GREB1: variants seen among roughly 807,000 people sequenced by gnomAD.
GREB1 encodes the protein protein GREB1.
A neutral mutation model predicts 200.7 loss-of-function variants in GREB1; 106 were observed. That is an observed-to-expected ratio of 0.53 (90% CI 0.45 to 0.62). GREB1 has a LOEUF of 0.62. Ranked by LOEUF, GREB1 falls within the 20% of genes least tolerant of loss-of-function variation. The probability of loss-of-function intolerance (pLI) is 0.00; values close to 1 mark genes in which losing one functional copy is unlikely to be tolerated. For synonymous variants in GREB1, 1,132 were observed against 1,092.4 expected (o/e 1.04, Z -0.72); for missense variants, 2,243 against 2,556.8 (o/e 0.88, Z 2.65).
At chr2:11,551,244 A>G (rs977922265) in intron 1 of GREB1, among the ~76,000 whole-genome samples, 4 of 152,188 alleles carry the variant, frequency 2.6e-5, no homozygotes, top group African/African-American at 9.6e-5. Flanking sequence ...ATATGGTGAA[A>G]CAAACCCACA....
At chr2:11,531,818 G>A (rs139071485), upstream of GREB1, among the ~76,000 whole-genome samples, 852 of 152,202 alleles carry the variant, frequency 5.6e-3, 6 homozygotes, top group African/African-American at 0.019. Context: ...TGATCCACCC[G>A]TCTCGGCCTC....
At position 11,563,710 on chromosome 2, in the gene GREB1, A is replaced by G. The variant is rs73191493; in HGVS notation, c.277+1128A>G. ...CATATGACACTATGGTACCCCCTATACAAATATTTCTGGAATGCCTACTAT... is the reference window on the plus strand; with the variant it reads ...CATATGACACTATGGTACCCCCTATGCAAATATTTCTGGAATGCCTACTAT... On this transcript the variant is annotated intron_variant, in intron 3 of 32. Transcript: ENST00000381486. 7.2e-3 allele frequency among the ~76,000 whole-genome samples: 1,093 copies of G among 152,334 alleles called. 23 individuals carry two copies. The highest frequency in any genetic ancestry group is 0.025 in the African/African-American group (1,052 of 41,580).
chr2:11,614,543 C>T (rs1300471528), intron 19 of GREB1, among the ~76,000 whole-genome samples: 1 of 151,638 alleles, frequency 6.6e-6, no homozygotes, highest in African/African-American at 2.4e-5. Context: ...GGTTCAAGCC[C>T]CCCCTTTTTG....
At chr2:11,604,878 A>G (rs1245230984) in intron 17 of GREB1, among the ~76,000 whole-genome samples, 2 of 152,220 alleles carry the variant, frequency 1.3e-5, no homozygotes, top group Admixed American at 1.3e-4. Flanking sequence ...TTAGTCCTCT[A>G]TGTGCCATAA....
At chr2:11,589,090 G>A (rs1680471529) in intron 10 of GREB1, among the ~76,000 whole-genome samples, 159 bp downstream of exon 10, 1 of 152,172 alleles carries the variant, frequency 6.6e-6, no homozygotes, top group Admixed American at 6.5e-5. Context: ...AGTCACTGTG[G>A]GCGTCCCCAC....
At chr2:11,484,728 A>C (rs1672610181) in intron 1 of GREB1, among the ~76,000 whole-genome samples, 1 of 152,190 alleles carries the variant, frequency 6.6e-6, no homozygotes. Flanking sequence ...GGCTGCAGTG[A>C]GTTATGATCG....
At chr2:11,632,288 A>G (rs1684936759) in intron 27 of GREB1, among the ~76,000 whole-genome samples, 175 bp downstream of exon 27, 1 of 148,372 alleles carries the variant, frequency 6.7e-6, no homozygotes, top group African/African-American at 2.5e-5. Context: ...ACCCGCACCC[A>G]GTGTTTGGTT....
At chr2:11,523,388 TAAAAAA>T (rs1291430759) in intron 1 of GREB1, among the ~76,000 whole-genome samples, 2 of 151,970 alleles carry the variant, frequency 1.3e-5, no homozygotes, top group African/African-American at 4.8e-5. Context: ...AAATAAAAGT[TAAAAAA>T]AGAAAAAATA....
intron 11 of GREB1, among the ~76,000 whole-genome samples, chr2:11,593,842 A>G (rs1680968444): frequency 6.6e-6 from 1 of 152,156 alleles, no homozygotes; most frequent in South Asian, 2.1e-4. Context: ...GGGGGCCCAC[A>G]GGGAGCAGAG....
intron 1 of GREB1, among the ~76,000 whole-genome samples, chr2:11,520,617 C>T (rs1673670497): frequency 2.0e-5 from 3 of 152,224 alleles, no homozygotes; most frequent in Admixed American, 1.3e-4. Context: ...CCTCTCTCTC[C>T]TCTTTCCTTT....
intron 30 of GREB1, among the ~76,000 whole-genome samples, chr2:11,636,576 G>A (rs2148447622): frequency 6.6e-6 from 1 of 152,358 alleles, no homozygotes; most frequent in African/African-American, 2.4e-5. Flanking sequence ...GCAGATGTTA[G>A]ACACATGGCT....
rs1021784717 is a variant in GREB1 at position 11,565,510 on chromosome 2, G to A, written c.278-970G>A. 2.6e-5 allele frequency among the ~76,000 whole-genome samples: 4 copies of A among 152,218 alleles called. No homozygotes were observed. The East Asian group carries it at 7.7e-4, about 29-fold the overall frequency. On this transcript the variant is annotated intron_variant, in intron 3 of 32. Coordinates refer to ENST00000381486, the MANE Select transcript of GREB1 (RefSeq NM_014668.4). ...GTCTCAGTCGGGAGCTAAAGCTACA[G>A]GAAGCACAGGAGATGGGGCTGGGTG...
intron 1 of GREB1, among the ~76,000 whole-genome samples, chr2:11,521,010 G>A (rs892446600): frequency 2.9e-4 from 44 of 152,204 alleles, no homozygotes; most frequent in African/African-American, 9.7e-4. Context: ...TATGCCCTCT[G>A]CCGTGTGGGC....
intron 7 of GREB1, among the ~76,000 whole-genome samples, chr2:11,584,536 T>C (rs1679869455): frequency 6.6e-6 from 1 of 152,226 alleles, no homozygotes; most frequent in Admixed American, 6.5e-5. Context: ...TATTGGAATA[T>C]GTCGATAACA....
Position 11,629,365 on chromosome 2 carries a change from C to T in GREB1, c.4450-583C>T, listed in dbSNP as rs896556808. On this transcript the variant is annotated intron_variant, in intron 25 of 32. Coordinates refer to ENST00000381486, the MANE Select transcript of GREB1 (RefSeq NM_014668.4). The surrounding 1 kb of genome is among the most constrained non-coding windows in gnomAD (Gnocchi z 5.2). ...GGAGGCTGGAGGAGGTGACTAAGGG[C>T]GCAGCCAGACTTGGTGACTTGGTGA... 2.6e-5 allele frequency among the ~76,000 whole-genome samples: 4 copies of T among 152,124 alleles called. No individual in the cohort carries two copies. Among genetic ancestry groups the T allele is most frequent in the Admixed American group, 6.5e-5 (1 of 15,286 alleles).
chr2:11,580,792 A>G lies in GREB1; in HGVS notation c.861A>G (p.Ala287=), dbSNP rs760781224. The G allele has an allele frequency of 8.1e-6, 13 of 1,614,258 alleles. No homozygotes were observed. The Admixed American group carries it at 2.0e-4, about 25-fold the overall frequency. ...GKDSPKCQQL[A]KNNLLALPRP... is the part of the protein sequence containing the mutation. ...ATTCCCCGAAGTGCCAACAACTGGC[A>G]AAGAATAACCTGTTGGCCCTGCCGC... The change falls in exon 7 of 33, where the codon GCA becomes GCG. Residue 287 remains alanine (A), a synonymous_variant. Coordinates refer to ENST00000381486, the MANE Select transcript of GREB1 (RefSeq NM_014668.4). The surrounding 1 kb of genome is among the most constrained non-coding windows in gnomAD (Gnocchi z 4.5).
rs1364352377 is a variant in GREB1, at chr2:11,642,270, C to T, written c.*1816C>T. ...AGTAGCTGGGATTATGGGCGCCCAC[C>T]ACCATGCCCAGCTAATTTTTGTATT... On this transcript the variant is annotated 3_prime_UTR_variant, in exon 33 of 33. Transcript: ENST00000381486. 6.6e-6 allele frequency: 1 copy of T among 151,904 alleles called. No individual in the cohort carries two copies. The highest frequency in any genetic ancestry group is 2.4e-5 in the African/African-American group (1 of 41,358). 9.4% of individuals were successfully genotyped at this position (151,904 alleles called of 1,614,324 possible).
rs77527122 is a variant in GREB1 at position 11,618,552 on chromosome 2, C to G, written c.3677C>G (p.Ser1226Trp). Residue 1226 changes from serine (S) to tryptophan (W), a missense_variant, in exon 22 of 33, where the codon TCG (serine) becomes TGG (tryptophan). This residue lies in a region of GREB1 where 587 missense variants were observed against 553.1 expected (regional missense o/e 1.06). Coordinates refer to ENST00000381486, the MANE Select transcript of GREB1 (RefSeq NM_014668.4). ...TSSCSQLSSSSGSSSSSVAPA... is the reference protein window; with the variant it reads ...TSSCSQLSSSWGSSSSSVAPA... ...TCGTGCTCCCAGCTGTCCTCCTCCT[C>G]GGGCTCATCCTCCTCATCCGTGGCG... The G allele has an allele frequency of 2.1e-5, 34 of 1,612,744 alleles. No homozygotes were observed. In the East Asian group the frequency reaches 7.4e-4, roughly 35 times the overall value.
chr2:11,502,051 G>A (rs1673063176), intron 1 of GREB1, among the ~76,000 whole-genome samples: 1 of 150,052 alleles, frequency 6.7e-6, no homozygotes, highest in Non-Finnish European at 1.5e-5. Flanking sequence ...TGAGTAGCTG[G>A]GATTACAGGC....
Sources: gnomAD v4.1 joint callset for allele counts (sites outside exome capture counted in the v4.1 genomes callset) on GRCh38, gnomAD v4.1.1 for gene constraint, gnomAD v4.1.1 regional missense constraint, Gnocchi (gnomAD v3.1) non-coding constraint, MANE v1.5 for transcripts, NCBI Gene and HGNC (gene_info 2026-07-23, HGNC 2026-07-21) for gene names.